The following VSTM2A variants were observed in gnomAD, a reference collection of about 807,000 sequenced individuals.
VSTM2A encodes V-set and transmembrane domain-containing protein 2A.
In VSTM2A, 13 loss-of-function variants were observed where a neutral mutation model predicts 27.3. The ratio of observed to expected loss-of-function variants is 0.48; its 90% CI spans 0.31 to 0.76. The LOEUF (loss-of-function observed/expected upper bound fraction) is 0.76, where lower values mean the gene tolerates loss of function less well. Ranked by LOEUF, VSTM2A falls within the 30% of genes least tolerant of loss-of-function variation. VSTM2A has a pLI of 0.05. For synonymous variants in VSTM2A, 142 were observed against 125.7 expected (o/e 1.13, Z -0.87); for missense variants, 280 against 310.0 (o/e 0.90, Z 0.73).
chr7:54,562,072 C>T (rs1044335343), intron 4 of VSTM2A, among the ~76,000 whole-genome samples: 2 of 152,000 alleles, frequency 1.3e-5, no homozygotes, highest in African/African-American at 4.8e-5. Flanking sequence ...TACAGGCATG[C>T]ACCACCACGC....
At chr7:54,547,746 A>G (rs1038329597) in intron 3 of VSTM2A, among the ~76,000 whole-genome samples, 1 of 152,216 alleles carries the variant, frequency 6.6e-6, no homozygotes, top group Non-Finnish European at 1.5e-5. Context: ...TCTGTTAAGC[A>G]TAAACATATT....
At chr7:54,545,477 G>C (rs1787918993) in intron 2 of VSTM2A, among the ~76,000 whole-genome samples, 1 of 142,560 alleles carries the variant, frequency 7.0e-6, no homozygotes, top group African/African-American at 2.6e-5. Context: ...AGAGGGAAGG[G>C]GAAAAGAGGG....
At chr7:54,554,159 C>T (rs1216303419) in intron 4 of VSTM2A, 4 of 1,516,996 alleles carry the variant, frequency 2.6e-6, no homozygotes. Context: ...CCTCTCACAT[C>T]TCGTCCTTCC....
chr7:54,561,354 A>G (rs1788555919), intron 4 of VSTM2A, among the ~76,000 whole-genome samples: 1 of 149,872 alleles, frequency 6.7e-6, no homozygotes, highest in African/African-American at 2.5e-5. Context: ...AAGAATATAC[A>G]TGAAGTTTAA....
intron 2 of VSTM2A, among the ~76,000 whole-genome samples, chr7:54,545,405 G>A (rs1415494629): frequency 2.3e-4 from 33 of 142,230 alleles, no homozygotes; most frequent in African/African-American, 8.4e-4. Flanking sequence ...AGGGAAGGGG[G>A]AAAAAGGGGA....
In VSTM2A at chr7:54,569,390, C is replaced by T. The variant is rs1218887894; in HGVS notation, c.*171C>T. Reference sequence around the variant, plus strand: ...ATCTATTTTTTCCCTTTTCTTTCGGCGACTAAAATCATCTCACTGACTGCT... The same window carrying T: ...ATCTATTTTTTCCCTTTTCTTTCGGTGACTAAAATCATCTCACTGACTGCT... On this transcript the variant is annotated 3_prime_UTR_variant, in exon 5 of 5. Transcript: ENST00000402613. 6 of 1,195,498 alleles carry T rather than the reference C, an allele frequency of 5.0e-6. No homozygotes were observed. The highest frequency in any genetic ancestry group is 4.6e-5 in the African/African-American group (3 of 64,994). The allele number at this position is 1,195,498 out of a possible 1,614,324, so 74.1% of individuals were successfully genotyped here.
At chr7:54,545,134 G>A (rs1337599800) in intron 2 of VSTM2A, among the ~76,000 whole-genome samples, 3 of 152,068 alleles carry the variant, frequency 2.0e-5, no homozygotes, top group East Asian at 3.9e-4. Context: ...GAGGGGGAGG[G>A]GAATCGGTGG....
At chr7:54,544,383 G>A (rs2115751372) in intron 1 of VSTM2A, among the ~76,000 whole-genome samples, 1 of 152,316 alleles carries the variant, frequency 6.6e-6, no homozygotes, top group South Asian at 2.1e-4. Flanking sequence ...TTATTGGCAA[G>A]CTTGTTAACC....
At chr7:54,560,844 G>A (rs1788537851) in intron 4 of VSTM2A, among the ~76,000 whole-genome samples, 1 of 152,136 alleles carries the variant, frequency 6.6e-6, no homozygotes, top group Non-Finnish European at 1.5e-5. Context: ...AAATAATGCA[G>A]TGAAATACTT....
chr7:54,551,131 C>A (rs1399069806), intron 4 of VSTM2A: 1 of 115,422 alleles, frequency 8.7e-6, no homozygotes, highest in African/African-American at 3.4e-5. Context: ...CATCTCATAT[C>A]GTCCTGAATA....
At chr7:54,544,560 A>T (rs1198851414) in intron 1 of VSTM2A, 62 bp from the exon 2 acceptor site, 43 of 1,603,178 alleles carry the variant, frequency 2.7e-5, no homozygotes, top group Non-Finnish European at 3.6e-5. Flanking sequence ...CGAGCTCTCA[A>T]GGAAAGAGAC....
chr7:54,564,828 T>A (rs1428582191), intron 4 of VSTM2A, among the ~76,000 whole-genome samples: 1 of 150,556 alleles, frequency 6.6e-6, no homozygotes. Context: ...GGAACCTTTG[T>A]AAGCTGTAAA....
At chr7:54,553,830 A>G in intron 4 of VSTM2A, 3 of 1,550,738 alleles carry the variant, frequency 1.9e-6, no homozygotes, top group Non-Finnish European at 1.7e-6. Flanking sequence ...CCAATATACT[A>G]AGTCATTCTC....
At chr7:54,543,395 T>C (rs890336933) in intron 1 of VSTM2A, among the ~76,000 whole-genome samples, 3 of 152,106 alleles carry the variant, frequency 2.0e-5, no homozygotes, top group Non-Finnish European at 4.4e-5. Flanking sequence ...ACAGATCACA[T>C]CTCTGGTGCC....
At chr7:54,557,307 C>T (rs1302998183) in intron 4 of VSTM2A, 1 of 141,938 alleles carries the variant, frequency 7.0e-6, no homozygotes, top group African/African-American at 2.6e-5. Flanking sequence ...TATGTCTGTT[C>T]CCTCATTTCT....
intron 2 of VSTM2A, chr7:54,546,574 G>GCCCACCCA (rs544108189): frequency 8.3e-5 from 9 of 108,766 alleles, no homozygotes; most frequent in African/African-American, 3.3e-4. Flanking sequence ...CTGCCCGCCC[G>GCCCACCCA]CCCACCCACC....
intron 4 of VSTM2A, chr7:54,550,556 A>C: frequency 7.1e-6 from 2 of 283,084 alleles, no homozygotes; most frequent in Non-Finnish European, 1.3e-5. Context: ...CTTAATCAAA[A>C]TGTAAATGAG....
In VSTM2A at chr7:54,569,608, ATTACT is replaced by A. The variant is rs1009481433; in HGVS notation, c.*393_*397del. The A allele has an allele frequency of 7.0e-5, 12 of 170,696 alleles. No individual in the cohort carries two copies. The highest frequency in any genetic ancestry group is 1.0e-4 in the Non-Finnish European group (8 of 80,034). 10.6% of individuals were successfully genotyped at this position (170,696 alleles called of 1,614,324 possible). On this transcript the variant is annotated 3_prime_UTR_variant, in exon 5 of 5. Coordinates refer to ENST00000402613, the MANE Select transcript of VSTM2A (RefSeq NM_001301009.2). ...AACACTGCAAGTCAACAAGGAGGAC[ATTACT>A]TTAAGGAATAACATGAGAAAGAAAT...
chr7:54,546,935 C>T lies in VSTM2A; in HGVS notation c.247-12C>T, dbSNP rs866257097. Reference sequence around the variant, plus strand: ...CCTGGCGCGGGACTGAGCGTTCGCTCCTTGCCCGCAGGTGGAGCTCTTGCC... The same window carrying T: ...CCTGGCGCGGGACTGAGCGTTCGCTTCTTGCCCGCAGGTGGAGCTCTTGCC... On this transcript the variant is annotated splice_polypyrimidine_tract_variant and intron_variant, in intron 2 of 4. Coordinates refer to ENST00000402613, the MANE Select transcript of VSTM2A (RefSeq NM_001301009.2). The T allele has an allele frequency of 6.3e-6, 10 of 1,598,738 alleles. No homozygotes were observed. In the Middle Eastern group the frequency reaches 8.3e-4, roughly 133 times the overall value.
Sources: gnomAD v4.1 joint callset for allele counts (sites outside exome capture counted in the v4.1 genomes callset) on GRCh38, gnomAD v4.1.1 for gene constraint, MANE v1.5 for transcripts, NCBI Gene and HGNC (gene_info 2026-07-23, HGNC 2026-07-21) for gene names.